Variants in NDUFA7 observed in about 807,000 individuals in gnomAD.
The protein encoded by NDUFA7 is NADH:ubiquinone oxidoreductase subunit A7, also known as NADH dehydrogenase [ubiquinone] 1 alpha subcomplex subunit 7.
A neutral mutation model predicts 14.2 loss-of-function variants in NDUFA7; 18 were observed. The observed-to-expected ratio is 1.27, with a 90% CI of 0.88 to 1.88. NDUFA7 has a LOEUF of 1.88. Among genes scored for constraint, NDUFA7 ranks in the 40% most tolerant of loss-of-function variants. NDUFA7 has a pLI of 0.00. For synonymous variants in NDUFA7, 75 were observed against 62.1 expected (o/e 1.21, Z -0.98); for missense variants, 172 against 147.3 (o/e 1.17, Z -0.87).
intron 3 of NDUFA7, among the ~76,000 whole-genome samples, chr19:8,313,135 C>T (rs956356873): frequency 1.3e-5 from 2 of 151,962 alleles, no homozygotes; most frequent in African/African-American, 4.8e-5. Context: ...CGCTGTGTTA[C>T]TCAAACAAGT....
intron 2 of NDUFA7, among the ~76,000 whole-genome samples, chr19:8,318,664 A>G (rs1393756576): frequency 4.4e-5 from 1 of 22,902 alleles, no homozygotes; most frequent in Non-Finnish European, 8.3e-5. Flanking sequence ...CCAGTCTTAC[A>G]AAAAAAAAAA....
intron 2 of NDUFA7, chr19:8,319,624 C>A (rs1451740734): frequency 6.6e-6 from 1 of 151,136 alleles, no homozygotes; most frequent in Non-Finnish European, 1.5e-5. Context: ...GAATTAGTCA[C>A]AACATATAGG....
chr19:8,312,700 C>T (rs2145390785), intron 3 of NDUFA7, among the ~76,000 whole-genome samples: 1 of 152,226 alleles, frequency 6.6e-6, no homozygotes, highest in South Asian at 2.1e-4. Context: ...CTCACTTTGT[C>T]ACCCAGGCTG....
intron 3 of NDUFA7, among the ~76,000 whole-genome samples, chr19:8,313,048 C>T (rs373980242): frequency 5.3e-5 from 8 of 152,246 alleles, no homozygotes; most frequent in Middle Eastern, 6.8e-3. Flanking sequence ...CCTCTCACCT[C>T]GGCCTCCCAA....
At chr19:8,310,183 A>G (rs1970160233), downstream of NDUFA7, among the ~76,000 whole-genome samples, 1 of 152,078 alleles carries the variant, frequency 6.6e-6, no homozygotes. Flanking sequence ...TAATCCCAAC[A>G]CTTCGGGAGG....
chr19:8,309,857 A>G (rs1970153888), downstream of NDUFA7, among the ~76,000 whole-genome samples: 2 of 152,172 alleles, frequency 1.3e-5, no homozygotes, highest in African/African-American at 4.8e-5. Context: ...TCCTGCAGCC[A>G]GACTTGGACA....
intron 2 of NDUFA7, among the ~76,000 whole-genome samples, chr19:8,319,925 A>C: frequency 6.6e-6 from 1 of 152,096 alleles, no homozygotes; most frequent in East Asian, 1.9e-4. Flanking sequence ...AGCTCACTGC[A>C]ATATCCACCT....
intron 2 of NDUFA7, among the ~76,000 whole-genome samples, chr19:8,319,088 T>C (rs1210700710): frequency 7.5e-6 from 1 of 134,168 alleles, no homozygotes; most frequent in Non-Finnish European, 1.6e-5. Context: ...ACAACTACCC[T>C]GATAGAAAGC....
chr19:8,313,323 C>T (rs754701014), intron 3 of NDUFA7, among the ~76,000 whole-genome samples: 4 of 151,968 alleles, frequency 2.6e-5, no homozygotes, highest in African/African-American at 4.8e-5. Context: ...CTCCGCCTCC[C>T]GGGTTCACAC....
intron 3 of NDUFA7, among the ~76,000 whole-genome samples, chr19:8,311,835 G>A (rs1970181885): frequency 1.3e-5 from 2 of 152,120 alleles, no homozygotes; most frequent in Admixed American, 1.3e-4. Flanking sequence ...CCCCTGCTGT[G>A]GCCCCCAGGC....
Position 8,321,354 on chromosome 19 carries a change from G to A in NDUFA7, c.5C>T (p.Ala2Val), listed in dbSNP as rs866044741. M[A>V]SATRLIQRLR... ...CCGCTGGATGAGACGGGTGGCGGAC[G>A]CCATCTTCCGTCCGCGATACTGAAG... Residue 2 changes from alanine to valine, a missense_variant, in exon 1 of 4, where the codon GCG becomes GTG. Coordinates refer to ENST00000301457, the MANE Select transcript of NDUFA7 (RefSeq NM_005001.5). The A allele has an allele frequency of 5.1e-6, 8 of 1,574,272 alleles. No individual in the cohort carries two copies. Among genetic ancestry groups the A allele is most frequent in the African/African-American group, 2.7e-5 (2 of 74,268 alleles).
At position 8,321,267 on chromosome 19, in the gene NDUFA7, C is replaced by G. The variant is rs770171410; in HGVS notation, c.51+41G>C. Reference sequence around the variant, plus strand: ...AGGAGCGGGTCCCGGACACACGGAGCCCGAAGCCCCCCATGGTGCAGCCCT... The same window carrying G: ...AGGAGCGGGTCCCGGACACACGGAGGCCGAAGCCCCCCATGGTGCAGCCCT... On this transcript the variant is annotated intron_variant, in intron 1 of 3. Transcript: ENST00000301457. 1.7e-4 allele frequency: 255 copies of G among 1,511,944 alleles called. 2 individuals are homozygous for G. In the East Asian group the frequency reaches 6.2e-3, roughly 37 times the overall value. 93.7% of individuals were successfully genotyped at this position (1,511,944 alleles called of 1,614,324 possible).
At chr19:8,314,730 G>A (rs944474679) in intron 3 of NDUFA7, among the ~76,000 whole-genome samples, 4 of 152,152 alleles carry the variant, frequency 2.6e-5, no homozygotes, top group South Asian at 2.1e-4. Context: ...TGGCTAACAC[G>A]GTGAAACCCC....
chr19:8,309,589 C>T (rs535466604), downstream of NDUFA7, among the ~76,000 whole-genome samples: 4 of 152,242 alleles, frequency 2.6e-5, no homozygotes, highest in Non-Finnish European at 5.9e-5. Flanking sequence ...TCTTTCCTTC[C>T]CTCCTGACCT....
At chr19:8,315,282 G>A (rs1383676387) in intron 3 of NDUFA7, among the ~76,000 whole-genome samples, 2 of 152,122 alleles carry the variant, frequency 1.3e-5, no homozygotes, top group Admixed American at 1.3e-4. Context: ...GGTCTGTGAT[G>A]AGGAGGATTA....
chr19:8,311,567 CCTT>C lies in NDUFA7; in HGVS notation c.277_279del (p.Lys93del), dbSNP rs139352387. On this transcript the variant is annotated inframe_deletion, in exon 4 of 4. Transcript: ENST00000301457. The stretch of plus-strand genomic sequence containing the variant: ...TTTATGGGAGGAGCTGGAGTCACCG[CCTT>C]CTTCTCAGTGGCAGCTACAGCAGAG... 1.1e-3 allele frequency: 1,773 copies of C among 1,612,648 alleles called. 2 individuals are homozygous for C. The highest frequency in any genetic ancestry group is 2.7e-3 in the Middle Eastern group (16 of 5,892).
In NDUFA7 at chr19:8,313,132, T is replaced by C. The variant is rs995497745; in HGVS notation, c.252-1537A>G. Reference sequence around the variant, plus strand: ...CTAATAGAGACGGGGTCTCGCTGTGTTACTCAAACAAGTCTAGAACTCAAG... The same window carrying C: ...CTAATAGAGACGGGGTCTCGCTGTGCTACTCAAACAAGTCTAGAACTCAAG... On this transcript the variant is annotated intron_variant, in intron 3 of 3. Transcript: ENST00000301457. Among the ~76,000 whole-genome samples the C allele has an allele frequency of 2.0e-5, 3 of 151,470 alleles. No homozygotes were observed. In the East Asian group the frequency reaches 5.9e-4, roughly 30 times the overall value.
In NDUFA7 at chr19:8,321,355, C is replaced by T; in HGVS notation, c.4G>A (p.Ala2Thr). Residue 2 changes from alanine (A) to threonine (T), a missense_variant, in exon 1 of 4, where the codon GCG becomes ACG. Ala to Thr is a moderately conservative substitution (Grantham distance 58). Coordinates refer to ENST00000301457, the MANE Select transcript of NDUFA7 (RefSeq NM_005001.5). M[A>T]SATRLIQRLR... is the part of the protein sequence containing the mutation. ...CGCTGGATGAGACGGGTGGCGGACG[C>T]CATCTTCCGTCCGCGATACTGAAGG... The T allele has an allele frequency of 6.3e-7, 1 of 1,575,028 alleles. No individual in the cohort carries two copies. The highest frequency in any genetic ancestry group is 8.6e-7 in the Non-Finnish European group (1 of 1,162,612).
chr19:8,316,673 G>A, intron 2 of NDUFA7, 28 bp from the exon 3 acceptor site: 1 of 1,610,712 alleles, frequency 6.2e-7, no homozygotes, highest in South Asian at 1.1e-5. Flanking sequence ...GAGCACTGAA[G>A]CAAAGAGACA....
Sources: allele counts gnomAD v4.1 joint callset (sites outside exome capture counted in the v4.1 genomes callset), GRCh38; gene constraint gnomAD v4.1.1; transcripts MANE v1.5; gene names NCBI Gene and HGNC (gene_info 2026-07-23, HGNC 2026-07-21).